MYH13: variants seen among roughly 807,000 people sequenced by gnomAD.
MYH13 encodes the protein myosin heavy chain 13.
MYH13 carries 177 observed loss-of-function variants against 232.1 expected under a neutral mutation model. The ratio of observed to expected loss-of-function variants is 0.76; its 90% CI spans 0.67 to 0.86. The LOEUF is 0.86. MYH13 is among the 40% of genes least tolerant of loss of function. The probability of loss-of-function intolerance (pLI) is 0.00; values close to 1 mark genes in which losing one functional copy is unlikely to be tolerated. For synonymous variants in MYH13, 884 were observed against 923.5 expected (o/e 0.96, Z 0.78); for missense variants, 2,246 against 2,405.9 (o/e 0.93, Z 1.39).
chr17:10,364,896 A>G (rs528756841), intron 2 of MYH13, among the ~76,000 whole-genome samples: 7 of 151,574 alleles, frequency 4.6e-5, no homozygotes, highest in African/African-American at 1.7e-4. Flanking sequence ...TTCTTTTGAG[A>G]CAGAGTTTTG....
chr17:10,307,368 C>G (rs1344371761), intron 35 of MYH13, among the ~76,000 whole-genome samples: 2 of 152,050 alleles, frequency 1.3e-5, no homozygotes, highest in Admixed American at 1.3e-4. Flanking sequence ...TGATGATAGA[C>G]ATACTATATG....
rs756499473 is a variant in MYH13, at chr17:10,354,667, A to G, written c.1005+13T>C. ...ATTCTGTGCATAAACAGACAAATAA[A>G]TGGCATGCTTACATCTGTCGCCAGC... is the stretch of plus-strand genomic sequence containing the variant. On this transcript the variant is annotated intron_variant, in intron 11 of 40. Transcript: ENST00000252172. 6.2e-7 allele frequency: 1 copy of G among 1,604,724 alleles called. No individual in the cohort carries two copies. Among genetic ancestry groups the G allele is most frequent in the Admixed American group, 1.7e-5 (1 of 59,988 alleles).
intron 21 of MYH13, among the ~76,000 whole-genome samples, chr17:10,328,475 C>A (rs1907296732): frequency 6.6e-6 from 1 of 152,184 alleles, no homozygotes; most frequent in Non-Finnish European, 1.5e-5. Flanking sequence ...GGGTCTTTCT[C>A]CCATGTTTGA....
chr17:10,364,456 G>A lies in MYH13; in HGVS notation c.75C>T (p.Ile25=), dbSNP rs776603506. ...PYLRKPEKER[I]EAQNRPFDSK... ...AATCGAATGGACGATTTTGAGCCTC[G>A]ATTCTCTCCTTCTCTGGTTTCCGGA... Residue 25 remains isoleucine (I), a synonymous_variant, in exon 3 of 41, where the codon ATC becomes ATT. Transcript: ENST00000252172. The A allele has an allele frequency of 8.1e-6, 13 of 1,612,364 alleles. No homozygotes were observed. Among genetic ancestry groups the A allele is most frequent in the East Asian group, 2.2e-5 (1 of 44,866 alleles).
At chr17:10,366,222 C>T (rs1378211847) in intron 2 of MYH13, among the ~76,000 whole-genome samples, 3 of 151,870 alleles carry the variant, frequency 2.0e-5, no homozygotes, top group Non-Finnish European at 2.9e-5. Flanking sequence ...CCCTCTACTC[C>T]ACTACCTATT....
intron 16 of MYH13, among the ~76,000 whole-genome samples, chr17:10,340,738 C>G (rs534568041): frequency 6.6e-6 from 1 of 151,750 alleles, no homozygotes; most frequent in African/African-American, 2.4e-5. Flanking sequence ...AGGCTAGTCT[C>G]GAACTCCTGA....
intron 39 of MYH13, among the ~76,000 whole-genome samples, chr17:10,302,075 A>G (rs1390481428): frequency 6.6e-6 from 1 of 152,174 alleles, no homozygotes; most frequent in Admixed American, 6.5e-5. Flanking sequence ...TCTGCCCAGC[A>G]CCATCTGTCT....
chr17:10,362,847 A>C (rs2071804745), intron 3 of MYH13, among the ~76,000 whole-genome samples: 1 of 152,160 alleles, frequency 6.6e-6, no homozygotes, highest in Non-Finnish European at 1.5e-5. Context: ...GGAAGGTTAC[A>C]AAGAACTGCT....
At chr17:10,341,881 AT>A (rs964882243) in intron 16 of MYH13, among the ~76,000 whole-genome samples, 10 of 152,278 alleles carry the variant, frequency 6.6e-5, no homozygotes, top group Admixed American at 5.9e-4. Flanking sequence ...TTAGGCTTTC[AT>A]TTTTAAAAAA....
At chr17:10,331,644 C>G (rs1373651305) in intron 20 of MYH13, among the ~76,000 whole-genome samples, 1 of 152,122 alleles carries the variant, frequency 6.6e-6, no homozygotes, top group Non-Finnish European at 1.5e-5. Flanking sequence ...GTAGTATGAT[C>G]AATCGCACTG....
At position 10,306,999 on chromosome 17, in the gene MYH13, C is replaced by T; in HGVS notation, c.5235G>A (p.Val1745=). The T allele has an allele frequency of 6.2e-7, 1 of 1,614,038 alleles. No individual in the cohort carries two copies. Among genetic ancestry groups the T allele is most frequent in the Non-Finnish European group, 8.5e-7 (1 of 1,179,920 alleles). The part of the protein sequence containing the change: ...EADIAQCQAE[V]ENSIQESRNA... ...TCCTGGACTCCTGGATCGAGTTCTC[C>T]ACCTCTGCCTGGCACTGAGCTATGT... Residue 1745 remains valine, a synonymous_variant, in exon 36 of 41, where the codon GTG becomes GTA. Transcript: ENST00000252172. This position sits in a 1 kb window ranked among gnomAD's most constrained non-coding sequence, Gnocchi z 4.3.
rs1366002722 is a variant in MYH13 at position 10,340,312 on chromosome 17, C to T, written c.1968+16G>A. On this transcript the variant is annotated intron_variant, in intron 17 of 40. Coordinates refer to ENST00000252172, the MANE Select transcript of MYH13 (RefSeq NM_003802.3). ...GGAGAAAAACAAGTGAATATGGAAG[C>T]TGCCAAAACACCAACCCTGAACACG... 1 of 1,613,660 alleles carries T rather than the reference C, an allele frequency of 6.2e-7. No homozygotes were observed. The highest frequency in any genetic ancestry group is 8.5e-7 in the Non-Finnish European group (1 of 1,179,780).
At chr17:10,329,524 T>G (rs1433613839) in intron 21 of MYH13, among the ~76,000 whole-genome samples, 1 of 152,168 alleles carries the variant, frequency 6.6e-6, no homozygotes, top group Non-Finnish European at 1.5e-5. Context: ...TGCACACACC[T>G]TCTACAGCTC....
At chr17:10,315,194 C>T (rs73977114) in intron 29 of MYH13, among the ~76,000 whole-genome samples, 5,595 of 152,242 alleles carry the variant, frequency 0.037, 345 homozygotes, top group African/African-American at 0.12. Flanking sequence ...ACCATAGGTA[C>T]GGTTTTCTAT....
At chr17:10,322,724 C>T (rs1296970719) in intron 23 of MYH13, among the ~76,000 whole-genome samples, 1 of 150,876 alleles carries the variant, frequency 6.6e-6, no homozygotes, top group Non-Finnish European at 1.5e-5. Context: ...AGCTCCGCCT[C>T]CCGGGTTCAC....
chr17:10,331,518 G>A (rs139493125), intron 20 of MYH13, among the ~76,000 whole-genome samples: 7 of 152,292 alleles, frequency 4.6e-5, no homozygotes, highest in African/African-American at 1.4e-4. Context: ...AGTGAAGTAC[G>A]TGCAGGAGGC....
Position 10,344,232 on chromosome 17 carries a change from G to A in MYH13, c.1585-123C>T, listed in dbSNP as rs151195976. ...ACCAGGAATGCTGGCATGTACGCTC[G>A]GTGAGAGCAAGACTCTTGGTCTGTT... is the stretch of plus-strand genomic sequence containing the variant. On this transcript the variant is annotated intron_variant, in intron 15 of 40. Coordinates refer to ENST00000252172, the MANE Select transcript of MYH13 (RefSeq NM_003802.3). 3.8e-3 allele frequency: 5,238 copies of A among 1,379,274 alleles called. 14 individuals are homozygous for A. Among genetic ancestry groups the A allele is most frequent in the Non-Finnish European group, 4.6e-3 (4,696 of 1,031,462 alleles). 85.4% of individuals were successfully genotyped at this position (1,379,274 alleles called of 1,614,324 possible). A position where few individuals can be genotyped will look rare whatever the true frequency, so the allele number is the denominator to read the frequency against.
intron 16 of MYH13, among the ~76,000 whole-genome samples, chr17:10,342,544 C>T (rs931073454): frequency 6.6e-6 from 1 of 152,086 alleles, no homozygotes; most frequent in African/African-American, 2.4e-5. Context: ...TGCACAGTAG[C>T]CAGAAAGTTC....
intron 2 of MYH13, among the ~76,000 whole-genome samples, chr17:10,365,952 A>G (rs2071832656): frequency 1.3e-5 from 2 of 148,524 alleles, no homozygotes; most frequent in Non-Finnish European, 3.0e-5. Flanking sequence ...CTCCTAAACT[A>G]TCTCCCTTTG....
Sources: gnomAD v4.1 joint callset for allele counts (sites outside exome capture counted in the v4.1 genomes callset) on GRCh38, gnomAD v4.1.1 for gene constraint, Gnocchi (gnomAD v3.1) non-coding constraint, MANE v1.5 for transcripts, NCBI Gene and HGNC (gene_info 2026-07-23, HGNC 2026-07-21) for gene names.